The following APLF variants were observed in gnomAD, a reference collection of about 807,000 sequenced individuals.
APLF encodes aprataxin and PNKP like factor.
APLF carries 61 observed loss-of-function variants against 55.6 expected under a neutral mutation model. The observed-to-expected ratio is 1.10, with a 90% CI of 0.89 to 1.36. The LOEUF (loss-of-function observed/expected upper bound fraction) is 1.36. Among genes scored for constraint, APLF ranks in the 40% most tolerant of loss-of-function variants. The pLI is 0.00. For synonymous variants in APLF, 207 were observed against 214.8 expected, an observed-to-expected ratio of 0.96 and a Z score of 0.32; for missense variants, 611 against 602.5, an observed-to-expected ratio of 1.01 and a Z score of -0.15.
At chr2:68,469,065 G>T (rs1292586522) in intron 1 of APLF, among the ~76,000 whole-genome samples, 1 of 151,610 alleles carries the variant, frequency 6.6e-6, no homozygotes, top group African/African-American at 2.4e-5. Flanking sequence ...ATGTGGTAAG[G>T]TTATTGAGGA....
rs1671315802 is a variant in APLF, at chr2:68,566,573, A to AT, written c.1287-767dup. On this transcript the variant is annotated intron_variant, in intron 8 of 9. Coordinates refer to ENST00000303795, the MANE Select transcript of APLF (RefSeq NM_173545.3). ...TATTCGAAAGTTGTCACCTCAGCAC[A>AT]TATCTGTTGTTAGTGTACCCCAGCT... Among the ~76,000 whole-genome samples the AT allele has an allele frequency of 2.0e-5, 3 of 152,228 alleles. 1 individual carries two copies. Among genetic ancestry groups the AT allele is most frequent in the Non-Finnish European group, 4.4e-5 (3 of 68,004 alleles).
intron 8 of APLF, among the ~76,000 whole-genome samples, chr2:68,549,819 A>C (rs1670807569): frequency 6.6e-6 from 1 of 152,132 alleles, no homozygotes; most frequent in Non-Finnish European, 1.5e-5. Context: ...TTAGTACTCC[A>C]GCTGTAAATT....
chr2:68,521,033 C>T (rs981834228), intron 5 of APLF, among the ~76,000 whole-genome samples: 2 of 151,772 alleles, frequency 1.3e-5, no homozygotes, highest in Non-Finnish European at 2.9e-5. Flanking sequence ...GGTCTTTTAC[C>T]TCCTTGGTTA....
intron 6 of APLF, among the ~76,000 whole-genome samples, chr2:68,527,639 C>T (rs1175011765): frequency 6.6e-6 from 1 of 151,842 alleles, no homozygotes; most frequent in Non-Finnish European, 1.5e-5. Flanking sequence ...GGCAGAGGCG[C>T]TCCTCACTTC....
intron 7 of APLF, among the ~76,000 whole-genome samples, chr2:68,538,919 G>A (rs1670477583): frequency 6.6e-6 from 1 of 152,020 alleles, no homozygotes; most frequent in Non-Finnish European, 1.5e-5. Flanking sequence ...TTTGTCTTCT[G>A]TGTCAATAAG....
intron 1 of APLF, among the ~76,000 whole-genome samples, chr2:68,488,613 G>A (rs1676260718): frequency 6.6e-6 from 1 of 152,016 alleles, no homozygotes; most frequent in South Asian, 2.1e-4. Flanking sequence ...TGGGATTGCA[G>A]CCACCACACC....
chr2:68,545,159 T>G (rs1262481429), intron 7 of APLF, 28 bp from the exon 8 acceptor site: 3 of 1,603,430 alleles, frequency 1.9e-6, no homozygotes, highest in Admixed American at 1.7e-5. Context: ...ATTTTTTTTT[T>G]CTGACAGTAT....
At chr2:68,500,685 C>T (rs1676692846) in intron 2 of APLF, among the ~76,000 whole-genome samples, 1 of 152,174 alleles carries the variant, frequency 6.6e-6, no homozygotes, top group Admixed American at 6.5e-5. Context: ...AGAGTTCAGA[C>T]CAAAGCTATG....
rs932579626 is a variant in APLF at position 68,486,071 on chromosome 2, C to T, written c.97-4119C>T. Reference sequence around the variant, plus strand: ...CCAGTATTATCACTATTTTGATGCTCGAATTGTTCTAAATTTGGTCAATCA... The same window carrying T: ...CCAGTATTATCACTATTTTGATGCTTGAATTGTTCTAAATTTGGTCAATCA... On this transcript the variant is annotated intron_variant, in intron 1 of 9. Transcript: ENST00000303795. Among the ~76,000 whole-genome samples, 31 of 151,980 alleles carry T rather than the reference C, an allele frequency of 2.0e-4. 1 individual carries two copies. The highest frequency in any genetic ancestry group is 7.5e-4 in the African/African-American group (31 of 41,350).
chr2:68,498,233 A>T (rs1676617999), intron 2 of APLF, among the ~76,000 whole-genome samples: 1 of 152,230 alleles, frequency 6.6e-6, no homozygotes, highest in African/African-American at 2.4e-5. Flanking sequence ...AAAGCAAGTT[A>T]TCTATACAAG....
intron 2 of APLF, among the ~76,000 whole-genome samples, chr2:68,500,694 T>C (rs1676693193): frequency 6.6e-6 from 1 of 152,188 alleles, no homozygotes; most frequent in South Asian, 2.1e-4. Flanking sequence ...ACCAAAGCTA[T>C]GTGGATTCCT....
chr2:68,494,895 G>A (rs553759246), intron 2 of APLF, among the ~76,000 whole-genome samples: 37 of 152,040 alleles, frequency 2.4e-4, no homozygotes, highest in Middle Eastern at 3.4e-3. Flanking sequence ...TCTTTTTCCA[G>A]TCTATCATTG....
intron 3 of APLF, among the ~76,000 whole-genome samples, chr2:68,511,034 A>G (rs1427251770): frequency 6.6e-6 from 1 of 151,864 alleles, no homozygotes; most frequent in Non-Finnish European, 1.5e-5. Flanking sequence ...ATAGGAAGAG[A>G]TTGCTAATGC....
chr2:68,524,546 G>C (rs1016230369), intron 5 of APLF, among the ~76,000 whole-genome samples: 7 of 152,218 alleles, frequency 4.6e-5, no homozygotes, highest in African/African-American at 1.4e-4. Context: ...GAGTAGTAGT[G>C]ACAGACACTG....
At chr2:68,574,766 C>T (rs1671576542) in intron 9 of APLF, among the ~76,000 whole-genome samples, 2 of 152,136 alleles carry the variant, frequency 1.3e-5, no homozygotes, top group East Asian at 3.9e-4. Flanking sequence ...CTAAATATTT[C>T]CAGGGTTCAC....
intron 9 of APLF, 24 bp from the exon 10 acceptor site, chr2:68,577,796 G>T (rs753731508): frequency 6.2e-7 from 1 of 1,611,882 alleles, no homozygotes; most frequent in African/African-American, 1.3e-5. Flanking sequence ...TTGATGTGTT[G>T]TGTACCAATC....
At chr2:68,533,366 G>T (rs950277119) in intron 6 of APLF, among the ~76,000 whole-genome samples, 1 of 152,122 alleles carries the variant, frequency 6.6e-6, no homozygotes, top group Non-Finnish European at 1.5e-5. Context: ...GAGAACTCTT[G>T]TAAATGACAG....
rs145910227 is a variant in APLF, at chr2:68,500,598, A to G, written c.169-2133A>G. Among the ~76,000 whole-genome samples the G allele has an allele frequency of 1.2e-4, 18 of 152,318 alleles. No homozygotes were observed. The East Asian group carries it at 3.1e-3, about 26-fold the overall frequency. ...TAACGTTGTTTAGAGACTCATCTGA[A>G]GTTTTAAAATGCTCATGAATGAGAA... On this transcript the variant is annotated intron_variant, in intron 2 of 9. Transcript: ENST00000303795.
intron 1 of APLF, among the ~76,000 whole-genome samples, chr2:68,484,538 A>T (rs1257851480): frequency 6.6e-6 from 1 of 152,056 alleles, no homozygotes; most frequent in Non-Finnish European, 1.5e-5. Flanking sequence ...CATGTAAAAA[A>T]AAAATTAGCC....
Sources: gnomAD v4.1 joint callset for allele counts (sites outside exome capture counted in the v4.1 genomes callset) on GRCh38, gnomAD v4.1.1 for gene constraint, MANE v1.5 for transcripts, NCBI Gene and HGNC (gene_info 2026-07-23, HGNC 2026-07-21) for gene names.